The following FER variants were observed in gnomAD, a reference collection of about 807,000 sequenced individuals.
FER encodes FER tyrosine kinase, also known as tyrosine-protein kinase Fer.
In FER, 63 loss-of-function variants were observed where a neutral mutation model predicts 111.0. The ratio of observed to expected loss-of-function variants is 0.57; its 90% CI spans 0.46 to 0.70. The LOEUF (loss-of-function observed/expected upper bound fraction) is 0.70. Among genes scored for constraint, FER ranks in the 30% least tolerant of loss-of-function variants. The probability of loss-of-function intolerance (pLI) is 0.00; values close to 1 mark genes in which losing one functional copy is unlikely to be tolerated. For synonymous variants in FER, 327 were observed against 313.9 expected, an observed-to-expected ratio of 1.04 and a Z score of -0.44; for missense variants, 914 against 954.0, an observed-to-expected ratio of 0.96 and a Z score of 0.55.
chr5:109,040,703 A>G (rs1771043852), intron 14 of FER, among the ~76,000 whole-genome samples: 1 of 152,142 alleles, frequency 6.6e-6, no homozygotes, highest in Non-Finnish European at 1.5e-5. Flanking sequence ...CAAGAGAATG[A>G]TTTGTGCTTT....
At chr5:108,946,739 G>T (rs774689306) in intron 11 of FER, among the ~76,000 whole-genome samples, 1 of 151,946 alleles carries the variant, frequency 6.6e-6, no homozygotes, top group East Asian at 1.9e-4. Flanking sequence ...GTTGTCTTTA[G>T]TAACAGCAGT....
rs1314392943 is a variant in FER, at chr5:108,926,660, A to G, written c.1237-19470A>G. 3.3e-5 allele frequency among the ~76,000 whole-genome samples: 5 copies of G among 152,224 alleles called. No individual in the cohort carries two copies. The East Asian group carries it at 7.7e-4, about 23-fold the overall frequency. Reference sequence around the variant, plus strand: ...ATGAGACCTCTTGATAAACCTAAAAATATACTTTTAAGTACTTTTCATTGT... The same window carrying G: ...ATGAGACCTCTTGATAAACCTAAAAGTATACTTTTAAGTACTTTTCATTGT... On this transcript the variant is annotated intron_variant, in intron 10 of 19. Transcript: ENST00000281092.
chr5:109,093,767 A>G (rs1219402142), intron 16 of FER, among the ~76,000 whole-genome samples: 1 of 152,102 alleles, frequency 6.6e-6, no homozygotes, highest in Non-Finnish European at 1.5e-5. Context: ...TTTTCTCTGC[A>G]GGTTTTACTG....
chr5:109,161,066 C>T (rs1312117829), intron 17 of FER, among the ~76,000 whole-genome samples: 2 of 152,054 alleles, frequency 1.3e-5, no homozygotes, highest in Admixed American at 1.3e-4. Flanking sequence ...ATGCAAAGAT[C>T]AAGAGAAAGT....
chr5:109,078,742 C>T (rs1230847897), intron 16 of FER, among the ~76,000 whole-genome samples: 1 of 152,132 alleles, frequency 6.6e-6, no homozygotes, highest in Admixed American at 6.6e-5. Context: ...ACTGTAAACC[C>T]TGTGGGAGTT....
chr5:109,016,126 C>T (rs986994330), intron 13 of FER, among the ~76,000 whole-genome samples: 5 of 152,018 alleles, frequency 3.3e-5, no homozygotes, highest in African/African-American at 7.2e-5. Flanking sequence ...TTGTGCACTT[C>T]TTCAGTAATC....
chr5:109,023,499 G>A (rs1446791299), intron 13 of FER, among the ~76,000 whole-genome samples: 1 of 152,012 alleles, frequency 6.6e-6, no homozygotes, highest in Non-Finnish European at 1.5e-5. Context: ...TGCTTCTTAT[G>A]TCTCAGAGCC....
At chr5:109,065,883 A>G (rs1301072329) in intron 16 of FER, among the ~76,000 whole-genome samples, 1 of 152,214 alleles carries the variant, frequency 6.6e-6, no homozygotes, top group Non-Finnish European at 1.5e-5. Context: ...AGCCTAATAA[A>G]TGTACCTACA....
Position 109,191,572 on chromosome 5 carries a change from T to G in FER, c.*3997T>G, listed in dbSNP as rs1035900459. 4 of 152,146 alleles carry G rather than the reference T, an allele frequency of 2.6e-5. No individual in the cohort carries two copies. Among genetic ancestry groups the G allele is most frequent in the African/African-American group, 9.6e-5 (4 of 41,454 alleles). 9.4% of individuals were successfully genotyped at this position (152,146 alleles called of 1,614,324 possible). On this transcript the variant is annotated 3_prime_UTR_variant, in exon 20 of 20. Transcript: ENST00000281092. ...GACAGACAGTTGGAAAAGACATGTT[T>G]TCTTTAGGTATTAATATCTTAATTA...
chr5:108,845,024 A>ATATATATATG, intron 5 of FER, among the ~76,000 whole-genome samples: 1 of 52,140 alleles, frequency 1.9e-5, no homozygotes, highest in East Asian at 7.2e-4. Flanking sequence ...ATATATATAT[A>ATATATATATG]TATATATATA....
intron 13 of FER, among the ~76,000 whole-genome samples, chr5:109,005,111 T>C (rs1425371454): frequency 1.3e-5 from 2 of 152,000 alleles, no homozygotes; most frequent in African/African-American, 4.8e-5. Flanking sequence ...GCCAGAACTT[T>C]GCAAATGGGG....
intron 13 of FER, among the ~76,000 whole-genome samples, chr5:108,997,625 A>C (rs1282958503): frequency 6.6e-6 from 1 of 151,998 alleles, no homozygotes; most frequent in Non-Finnish European, 1.5e-5. Flanking sequence ...CCACTTGAGG[A>C]GGCAGTCTTA....
chr5:109,030,840 T>C lies in FER; in HGVS notation c.1657-6582T>C, dbSNP rs530948223. Among the ~76,000 whole-genome samples, 62 of 152,242 alleles carry C rather than the reference T, an allele frequency of 4.1e-4. 1 individual carries two copies. In the South Asian group the frequency reaches 0.012, roughly 30 times the overall value. ...ATGGAGACAAAGAGACTTCCCAGGA[T>C]AGGTCTTTTTTTTGTGGCAGTACTT... On this transcript the variant is annotated intron_variant, in intron 13 of 19. Transcript: ENST00000281092.
chr5:109,037,537 G>A, intron 14 of FER, 59 bp downstream of exon 14: 1 of 1,425,700 alleles, frequency 7.0e-7, no homozygotes, highest in Non-Finnish European at 9.8e-7. Context: ...GAAGACTGCA[G>A]ATTTTTTCAT....
chr5:108,778,258 A>G (rs762774369), intron 2 of FER, among the ~76,000 whole-genome samples: 8 of 152,330 alleles, frequency 5.3e-5, no homozygotes, highest in African/African-American at 7.2e-5. Flanking sequence ...TGCTGTAAAC[A>G]TTGATGTTCA....
intron 9 of FER, among the ~76,000 whole-genome samples, chr5:108,895,338 C>T (rs564712262): frequency 7.2e-5 from 11 of 152,224 alleles, no homozygotes; most frequent in East Asian, 3.9e-4. Context: ...CAAATTGCCA[C>T]GAGTACAGTA....
intron 13 of FER, among the ~76,000 whole-genome samples, chr5:109,005,619 A>C (rs949930676): frequency 6.6e-6 from 1 of 152,248 alleles, no homozygotes; most frequent in Non-Finnish European, 1.5e-5. Flanking sequence ...GTTGGAAAAG[A>C]ATTCTGGTTT....
chr5:108,824,331 A>G (rs1212410429), intron 3 of FER, among the ~76,000 whole-genome samples: 1 of 151,658 alleles, frequency 6.6e-6, no homozygotes, highest in Admixed American at 6.6e-5. Context: ...GTTTTTTATC[A>G]TTGAAATTTT....
intron 13 of FER, among the ~76,000 whole-genome samples, chr5:108,968,773 TTAATA>T (rs1325058094): frequency 6.6e-6 from 1 of 152,044 alleles, no homozygotes; most frequent in Non-Finnish European, 1.5e-5. Flanking sequence ...AAAATACTTG[TTAATA>T]TAATCAATAC....
Sources: allele counts gnomAD v4.1 joint callset (sites outside exome capture counted in the v4.1 genomes callset), GRCh38; gene constraint gnomAD v4.1.1; transcripts MANE v1.5; gene names NCBI Gene and HGNC (gene_info 2026-07-23, HGNC 2026-07-21).